Variants in QTMAN observed in about 807,000 individuals in gnomAD.
QTMAN encodes the protein tRNA-queuosine alpha-mannosyltransferase.
the QTMAN span, among the ~76,000 whole-genome samples, chr2:144,195,002 A>AT: frequency 6.6e-6 from 1 of 152,202 alleles, no homozygotes; most frequent in Non-Finnish European, 1.5e-5. Flanking sequence ...AATATAAGGC[A>AT]TATCAAAAGT....
At chr2:143,986,721 C>G in the QTMAN span, among the ~76,000 whole-genome samples, 7 of 152,034 alleles carry the variant, frequency 4.6e-5, no homozygotes, top group African/African-American at 7.2e-5. Context: ...ATGCATAAAC[C>G]CTTGGGGACA....
chr2:144,098,287 G>A, the QTMAN span, among the ~76,000 whole-genome samples: 1 of 152,178 alleles, frequency 6.6e-6, no homozygotes, highest in African/African-American at 2.4e-5. Flanking sequence ...GTCACCTTTC[G>A]AAGAGATAAA....
the QTMAN span, among the ~76,000 whole-genome samples, chr2:144,287,728 A>G: frequency 5.9e-5 from 9 of 152,196 alleles, no homozygotes; most frequent in Admixed American, 3.9e-4. Context: ...TCATTAGCAA[A>G]GTAAAATTCC....
At chr2:144,002,812 CAAA>C in the QTMAN span, among the ~76,000 whole-genome samples, 1 of 151,814 alleles carries the variant, frequency 6.6e-6, no homozygotes, top group Non-Finnish European at 1.5e-5. Context: ...GGTATAGTAT[CAAA>C]GAAGAATATC....
chr2:144,137,340 G>T, the QTMAN span, among the ~76,000 whole-genome samples: 5 of 152,010 alleles, frequency 3.3e-5, no homozygotes, highest in African/African-American at 1.2e-4. Context: ...GTGCAGAGTT[G>T]CCTGCCCTGC....
chr2:144,027,684 G>A, the QTMAN span, among the ~76,000 whole-genome samples: 6 of 152,304 alleles, frequency 3.9e-5, no homozygotes, highest in Middle Eastern at 3.4e-3. Flanking sequence ...AAGCAGTGCT[G>A]AATTGCATTT....
chr2:143,978,978 G>A, the QTMAN span, among the ~76,000 whole-genome samples: 4 of 152,182 alleles, frequency 2.6e-5, no homozygotes, highest in Non-Finnish European at 5.9e-5. Context: ...TCCAGTTTAA[G>A]AGACTCTTTG....
chr2:144,172,954 T>C, the QTMAN span, among the ~76,000 whole-genome samples: 1 of 152,176 alleles, frequency 6.6e-6, no homozygotes, highest in Admixed American at 6.5e-5. Flanking sequence ...CAACTCTATC[T>C]TCTTGTGTTT....
the QTMAN span, among the ~76,000 whole-genome samples, chr2:144,123,081 A>C: frequency 6.6e-6 from 1 of 152,210 alleles, no homozygotes; most frequent in Admixed American, 6.5e-5. Flanking sequence ...TAGATTACTT[A>C]TCAATTACTT....
the QTMAN span, chr2:144,146,013 A>AAAAAAAAAAAAAAAAAAAC: frequency 4.7e-6 from 1 of 211,246 alleles, no homozygotes; most frequent in African/African-American, 2.7e-5. Flanking sequence ...AAAAAAAAAA[A>AAAAAAAAAAAAAAAAAAAC]AAAAAGCCGG....
the QTMAN span, among the ~76,000 whole-genome samples, chr2:143,948,341 A>G: frequency 6.6e-6 from 1 of 152,160 alleles, no homozygotes; most frequent in African/African-American, 2.4e-5. Context: ...GTCAATGTTG[A>G]AGAACTTGAA....
the QTMAN span, among the ~76,000 whole-genome samples, chr2:144,047,350 G>C: frequency 6.6e-6 from 1 of 152,186 alleles, no homozygotes; most frequent in Non-Finnish European, 1.5e-5. Context: ...AACTTTCTTG[G>C]TAGAGACACG....
At chr2:144,177,255 A>AT in the QTMAN span, 1 of 662,224 alleles carries the variant, frequency 1.5e-6, no homozygotes, top group South Asian at 1.7e-5. Flanking sequence ...ATCCCAATAA[A>AT]AAAAAAAAAA....
At chr2:144,219,027 G>C in the QTMAN span, among the ~76,000 whole-genome samples, 5 of 151,284 alleles carry the variant, frequency 3.3e-5, no homozygotes, top group Admixed American at 6.6e-5. Flanking sequence ...TGAAGAACTA[G>C]AAATAGATAT....
chr2:143,993,147 T>C, the QTMAN span, among the ~76,000 whole-genome samples: 1 of 152,224 alleles, frequency 6.6e-6, no homozygotes, highest in East Asian at 1.9e-4. Flanking sequence ...GGCAAATTTT[T>C]ATTTGATTAA....
chr2:143,954,366 CAT>C, the QTMAN span, among the ~76,000 whole-genome samples: 3 of 151,948 alleles, frequency 2.0e-5, no homozygotes, highest in Admixed American at 6.6e-5. Context: ...AGAGAGTGCA[CAT>C]GTTATCTGCT....
chr2:143,956,712 T>C, the QTMAN span, among the ~76,000 whole-genome samples: 1 of 152,116 alleles, frequency 6.6e-6, no homozygotes, highest in African/African-American at 2.4e-5. Context: ...TCCTCCTCCA[T>C]GATGATAGGG....
the QTMAN span, among the ~76,000 whole-genome samples, chr2:144,104,493 C>T: frequency 1.3e-5 from 2 of 152,114 alleles, no homozygotes; most frequent in African/African-American, 2.4e-5. Context: ...CCCACGCTCA[C>T]GGAGCCTTGC....
At chr2:144,173,556 A>C in the QTMAN span, among the ~76,000 whole-genome samples, 1 of 152,258 alleles carries the variant, frequency 6.6e-6, no homozygotes, top group Non-Finnish European at 1.5e-5. Context: ...CTTGACAGCA[A>C]ATTCCTCCCC....
Sources: gnomAD v4.1 joint callset for allele counts (sites outside exome capture counted in the v4.1 genomes callset) on GRCh38, gnomAD v4.1.1 for gene constraint, MANE v1.5 for transcripts, NCBI Gene and HGNC (gene_info 2026-07-23, HGNC 2026-07-21) for gene names.